SGK3: variants seen among roughly 807,000 people sequenced by gnomAD.
The protein encoded by SGK3 is serine/threonine-protein kinase Sgk3.
In SGK3, 47 loss-of-function variants were observed where a neutral mutation model predicts 68.5. The observed-to-expected ratio is 0.69, with a 90% CI of 0.54 to 0.87. The LOEUF is 0.87. Among genes scored for constraint, SGK3 ranks in the 40% least tolerant of loss-of-function variants. The pLI, the probability that SGK3 is intolerant of heterozygous loss-of-function variation, is 0.00. For missense variants in SGK3, 479 were observed against 575.5 expected, an observed-to-expected ratio of 0.83 and a Z score of 1.72; for synonymous variants, 181 against 189.1, an observed-to-expected ratio of 0.96 and a Z score of 0.35.
chr8:66,765,855 C>T (rs1806299935), intron 1 of SGK3, among the ~76,000 whole-genome samples: 2 of 151,846 alleles, frequency 1.3e-5, no homozygotes, highest in Admixed American at 1.3e-4. Flanking sequence ...GAAACTCTGT[C>T]TCTACTAAAA....
rs1451395032 is a variant in SGK3, at chr8:66,836,163, A to G, written c.741+89A>G. The G allele has an allele frequency of 2.0e-6, 3 of 1,488,798 alleles. No individual in the cohort carries two copies. In the East Asian group the frequency reaches 6.8e-5, roughly 34 times the overall value. 92.2% of individuals were successfully genotyped at this position (1,488,798 alleles called of 1,614,324 possible). On this transcript the variant is annotated intron_variant, in intron 10 of 16. Transcript: ENST00000521198. ...TTCTTGTAAGTTTTAGAAGGACAGT[A>G]TAAAATCAGTAGCTTTTTATAGCAA...
At chr8:66,840,933 C>T (rs1430614953) in intron 12 of SGK3, 91 bp from the exon 13 acceptor site, 4 of 914,734 alleles carry the variant, frequency 4.4e-6, no homozygotes, top group East Asian at 6.2e-5. Context: ...CAGAGTAAGA[C>T]TCTGTTTCAA....
chr8:66,812,659 G>T (rs1390255222), intron 4 of SGK3, among the ~76,000 whole-genome samples: 1 of 151,822 alleles, frequency 6.6e-6, no homozygotes, highest in Non-Finnish European at 1.5e-5. Context: ...ATGATTATTA[G>T]CTATAAATAA....
chr8:66,729,524 C>T (rs1053557783), intron 1 of SGK3, among the ~76,000 whole-genome samples: 3 of 151,874 alleles, frequency 2.0e-5, no homozygotes, highest in African/African-American at 7.3e-5. Flanking sequence ...ATTCATTCAT[C>T]TATTGATTGA....
intron 1 of SGK3, among the ~76,000 whole-genome samples, chr8:66,731,389 T>C (rs1266325103): frequency 6.6e-6 from 1 of 152,250 alleles, no homozygotes; most frequent in Non-Finnish European, 1.5e-5. Context: ...TAATGTTTCA[T>C]ATTAGAATAA....
At chr8:66,741,441 G>A (rs1432700300) in intron 1 of SGK3, among the ~76,000 whole-genome samples, 1 of 151,722 alleles carries the variant, frequency 6.6e-6, no homozygotes, top group Non-Finnish European at 1.5e-5. Context: ...CAGCTACTCG[G>A]GAGGCCTCTG....
chr8:66,776,907 A>G (rs1339117664), intron 1 of SGK3, among the ~76,000 whole-genome samples: 15 of 152,246 alleles, frequency 9.9e-5, no homozygotes. Context: ...TTTAAAATGC[A>G]GCCCTCTTCT....
intron 1 of SGK3, among the ~76,000 whole-genome samples, chr8:66,734,745 G>A (rs1025195524): frequency 2.0e-5 from 3 of 151,868 alleles, no homozygotes; most frequent in Non-Finnish European, 2.9e-5. Flanking sequence ...TCAGGAGTTC[G>A]GGACCATCCT....
chr8:66,857,715 C>T (rs772718340), intron 16 of SGK3, among the ~76,000 whole-genome samples: 1 of 151,498 alleles, frequency 6.6e-6, no homozygotes, highest in Non-Finnish European at 1.5e-5. Context: ...CCCAGGAGGT[C>T]GAAGCTGCAG....
intron 3 of SGK3, among the ~76,000 whole-genome samples, chr8:66,799,367 A>T (rs2130594164): frequency 6.6e-6 from 1 of 152,324 alleles, no homozygotes; most frequent in South Asian, 2.1e-4. Context: ...CTGCACTGCC[A>T]TCTGGGCAAT....
chr8:66,714,614 C>G (rs1044338669), intron 1 of SGK3, among the ~76,000 whole-genome samples: 1 of 152,124 alleles, frequency 6.6e-6, no homozygotes, highest in African/African-American at 2.4e-5. Context: ...CAAGAAGGCT[C>G]ATGTTCCTCT....
At chr8:66,779,523 AGGG>A (rs1806862964) in intron 1 of SGK3, among the ~76,000 whole-genome samples, 1 of 141,650 alleles carries the variant, frequency 7.1e-6, no homozygotes, top group South Asian at 2.2e-4. Context: ...ATTGTTAGGT[AGGG>A]GGGAGATATA....
chr8:66,747,869 T>G (rs1279691849), intron 1 of SGK3, among the ~76,000 whole-genome samples: 1 of 152,240 alleles, frequency 6.6e-6, no homozygotes, highest in Non-Finnish European at 1.5e-5. Context: ...TTGTTAAGTC[T>G]CTATTAAAAA....
intron 10 of SGK3, among the ~76,000 whole-genome samples, chr8:66,839,549 A>G (rs1200351117): frequency 2.6e-5 from 2 of 77,964 alleles, no homozygotes; most frequent in African/African-American, 1.2e-4. Context: ...ATATATATAT[A>G]TATATATATT....
At chr8:66,782,199 T>C (rs1807016290) in intron 1 of SGK3, among the ~76,000 whole-genome samples, 1 of 152,218 alleles carries the variant, frequency 6.6e-6, no homozygotes, top group Non-Finnish European at 1.5e-5. Context: ...GCTTTTAATG[T>C]AACTTAAAAC....
Position 66,860,848 on chromosome 8 carries a change from C to A in SGK3, c.*1267C>A, listed in dbSNP as rs1181427177. The A allele has an allele frequency of 1.3e-5, 2 of 152,066 alleles. No homozygotes were observed. The highest frequency in any genetic ancestry group is 1.9e-4 in the East Asian group (1 of 5,196). The allele number at this position is 152,066 out of a possible 1,614,324, so 9.4% of individuals were successfully genotyped here. A position where few individuals can be genotyped will look rare whatever the true frequency, so the allele number is the denominator to read the frequency against. Reference sequence around the variant, plus strand: ...GGGAATTAAAAAGTAAAATAATAGGCCAGGCATGGTGGCTCATGCCTATAA... The same window carrying A: ...GGGAATTAAAAAGTAAAATAATAGGACAGGCATGGTGGCTCATGCCTATAA... On this transcript the variant is annotated 3_prime_UTR_variant, in exon 17 of 17. Transcript: ENST00000521198.
At chr8:66,720,177 A>G (rs1804756254) in intron 1 of SGK3, among the ~76,000 whole-genome samples, 1 of 152,222 alleles carries the variant, frequency 6.6e-6, no homozygotes, top group Non-Finnish European at 1.5e-5. Flanking sequence ...ATGTTCTTCT[A>G]ATGAGAGTCC....
chr8:66,768,500 A>T (rs1243034919), intron 1 of SGK3, among the ~76,000 whole-genome samples: 1 of 151,710 alleles, frequency 6.6e-6, no homozygotes, highest in Non-Finnish European at 1.5e-5. Context: ...GTAGGTAAAT[A>T]ATTTTAGGTT....
At chr8:66,797,521 G>A (rs1467389862) in intron 2 of SGK3, among the ~76,000 whole-genome samples, 1 of 152,178 alleles carries the variant, frequency 6.6e-6, no homozygotes, top group South Asian at 2.1e-4. Flanking sequence ...GGTGTCTCAT[G>A]TATAGTGGGG....
Sources: allele counts gnomAD v4.1 joint callset (sites outside exome capture counted in the v4.1 genomes callset), GRCh38; gene constraint gnomAD v4.1.1; transcripts MANE v1.5; gene names NCBI Gene and HGNC (gene_info 2026-07-23, HGNC 2026-07-21).